The following ARHGAP42 variants were observed in gnomAD, a reference collection of about 807,000 sequenced individuals.
The protein encoded by ARHGAP42 is rho GTPase-activating protein 42.
A neutral mutation model predicts 125.0 loss-of-function variants in ARHGAP42; 63 were observed. The ratio of observed to expected loss-of-function variants is 0.50; its 90% CI spans 0.41 to 0.62. The LOEUF (loss-of-function observed/expected upper bound fraction) is 0.62. ARHGAP42 is among the 20% of genes least tolerant of loss of function. The probability of loss-of-function intolerance (pLI) is 0.00; values close to 1 mark genes in which losing one functional copy is unlikely to be tolerated. For missense variants in ARHGAP42, 766 were observed against 1,024.2 expected (o/e 0.75, Z 3.44); for synonymous variants, 339 against 351.0 (o/e 0.97, Z 0.38).
At chr11:100,792,973 C>G (rs1313323197) in intron 2 of ARHGAP42, among the ~76,000 whole-genome samples, 1 of 152,054 alleles carries the variant, frequency 6.6e-6, no homozygotes, top group Non-Finnish European at 1.5e-5. Context: ...CCAGGATGGT[C>G]TCCATCTCCT....
At chr11:100,780,321 T>C (rs1439242009) in intron 2 of ARHGAP42, among the ~76,000 whole-genome samples, 1 of 152,152 alleles carries the variant, frequency 6.6e-6, no homozygotes, top group Non-Finnish European at 1.5e-5. Context: ...TAGTAAAAAA[T>C]AATCTCAACA....
intron 1 of ARHGAP42, among the ~76,000 whole-genome samples, chr11:100,743,997 G>A (rs1862242003): frequency 6.6e-6 from 1 of 152,294 alleles, no homozygotes; most frequent in Middle Eastern, 3.4e-3. Flanking sequence ...TTGAGTTGGA[G>A]TCTCGCTCTG....
chr11:100,853,228 A>G (rs370520009), intron 3 of ARHGAP42, among the ~76,000 whole-genome samples: 2 of 152,290 alleles, frequency 1.3e-5, no homozygotes, highest in Non-Finnish European at 2.9e-5. Context: ...TTGACCTTTC[A>G]CATATCTTGA....
At chr11:100,810,052 A>C (rs1307957923) in intron 3 of ARHGAP42, among the ~76,000 whole-genome samples, 1 of 152,148 alleles carries the variant, frequency 6.6e-6, no homozygotes, top group Non-Finnish European at 1.5e-5. Flanking sequence ...ATAATCTATA[A>C]ATTATTAGAG....
intron 2 of ARHGAP42, among the ~76,000 whole-genome samples, chr11:100,793,448 G>A (rs2135029836): frequency 6.6e-6 from 1 of 152,222 alleles, no homozygotes; most frequent in African/African-American, 2.4e-5. Context: ...ATTATCCTGA[G>A]TCTCCCAGGT....
intron 2 of ARHGAP42, among the ~76,000 whole-genome samples, chr11:100,788,854 A>G (rs1033922713): frequency 1.3e-5 from 2 of 152,228 alleles, no homozygotes; most frequent in Non-Finnish European, 2.9e-5. Flanking sequence ...CATTGGATAC[A>G]GCAGTCAGTA....
At chr11:100,885,822 C>A (rs566440559) in intron 4 of ARHGAP42, among the ~76,000 whole-genome samples, 1 of 152,050 alleles carries the variant, frequency 6.6e-6, no homozygotes, top group South Asian at 2.1e-4. Flanking sequence ...ATAAGATGAC[C>A]AAAATGAAAT....
chr11:100,953,519 G>A (rs1857719630), intron 12 of ARHGAP42, among the ~76,000 whole-genome samples: 1 of 152,118 alleles, frequency 6.6e-6, no homozygotes, highest in Non-Finnish European at 1.5e-5. Flanking sequence ...TTCTAAAATA[G>A]GGCCATAGTA....
chr11:100,872,831 G>T (rs1865728256), intron 4 of ARHGAP42, among the ~76,000 whole-genome samples: 1 of 152,154 alleles, frequency 6.6e-6, no homozygotes, highest in Admixed American at 6.5e-5. Context: ...ATTCAATGGT[G>T]TTGATCTGTT....
chr11:100,799,349 T>C (rs906204865), intron 3 of ARHGAP42, among the ~76,000 whole-genome samples: 3 of 152,190 alleles, frequency 2.0e-5, no homozygotes, highest in African/African-American at 7.2e-5. Flanking sequence ...ATGTGTATAC[T>C]TTTATGGGAG....
chr11:100,695,114 C>G (rs1861253331), intron 1 of ARHGAP42, among the ~76,000 whole-genome samples: 1 of 152,204 alleles, frequency 6.6e-6, no homozygotes, highest in African/African-American at 2.4e-5. Flanking sequence ...TTACAGCTGC[C>G]ATATTCTGAG....
chr11:100,807,406 G>C (rs1864023555), intron 3 of ARHGAP42, among the ~76,000 whole-genome samples: 1 of 152,076 alleles, frequency 6.6e-6, no homozygotes, highest in Non-Finnish European at 1.5e-5. Flanking sequence ...ACGTTGGCAA[G>C]GTTGGTCTCG....
At chr11:100,694,194 G>C (rs1861238532) in intron 1 of ARHGAP42, among the ~76,000 whole-genome samples, 1 of 152,038 alleles carries the variant, frequency 6.6e-6, no homozygotes, top group Non-Finnish European at 1.5e-5. Flanking sequence ...CAGCTTCCCA[G>C]AGTGCTGGGA....
intron 3 of ARHGAP42, among the ~76,000 whole-genome samples, chr11:100,842,463 T>C (rs187735838): frequency 7.2e-5 from 11 of 152,306 alleles, no homozygotes; most frequent in Admixed American, 5.9e-4. Context: ...CTGTCTTACA[T>C]TTTCTCGGAC....
chr11:100,726,080 TAA>T (rs34713091), intron 1 of ARHGAP42, among the ~76,000 whole-genome samples: 7 of 125,438 alleles, frequency 5.6e-5, no homozygotes, highest in Non-Finnish European at 8.5e-5. Flanking sequence ...CTTGTCTCTC[TAA>T]AAAAAAAAAA....
At chr11:100,842,258 T>C (rs1214608321) in intron 3 of ARHGAP42, among the ~76,000 whole-genome samples, 2 of 152,170 alleles carry the variant, frequency 1.3e-5, no homozygotes, top group Non-Finnish European at 2.9e-5. Context: ...ATGCATAAAC[T>C]GAGAAGGGAA....
intron 21 of ARHGAP42, among the ~76,000 whole-genome samples, chr11:100,978,729 G>A (rs1035980496): frequency 2.6e-5 from 4 of 152,156 alleles, no homozygotes; most frequent in Admixed American, 6.5e-5. Flanking sequence ...ATGGTTTTCT[G>A]AGATAAAAAG....
chr11:100,738,651 T>A (rs1052933504), intron 1 of ARHGAP42, among the ~76,000 whole-genome samples: 4 of 152,198 alleles, frequency 2.6e-5, no homozygotes, highest in Non-Finnish European at 4.4e-5. Context: ...GCAAACAATT[T>A]ATTCCTCTAA....
At chr11:100,910,824 G>A (rs1368267331) in intron 4 of ARHGAP42, among the ~76,000 whole-genome samples, 3 of 151,820 alleles carry the variant, frequency 2.0e-5, no homozygotes, top group African/African-American at 7.3e-5. Flanking sequence ...GTGTGCTTTT[G>A]TTACCTACAT....
Sources: gnomAD v4.1 joint callset for allele counts (sites outside exome capture counted in the v4.1 genomes callset) on GRCh38, gnomAD v4.1.1 for gene constraint, MANE v1.5 for transcripts, NCBI Gene and HGNC (gene_info 2026-07-23, HGNC 2026-07-21) for gene names.